The following ERBB4 variants were observed in gnomAD, a reference collection of about 807,000 sequenced individuals.
ERBB4 encodes erb-b2 receptor tyrosine kinase 4, also known as receptor tyrosine-protein kinase erbB-4.
Under a neutral mutation model 158.0 loss-of-function variants are expected in ERBB4, and 42 were observed. The ratio of observed to expected loss-of-function variants is 0.27; its 90% CI spans 0.21 to 0.34. ERBB4 has a LOEUF of 0.34. Ranked by LOEUF, ERBB4 falls within the 10% of genes least tolerant of loss-of-function variation. ERBB4 has a pLI of 1.00. For synonymous variants in ERBB4, 583 were observed against 558.7 expected (o/e 1.04, Z -0.61); for missense variants, 1,333 against 1,624.1 (o/e 0.82, Z 3.08).
chr2:211,643,004 G>A (rs1451669517), intron 16 of ERBB4, among the ~76,000 whole-genome samples: 3 of 152,186 alleles, frequency 2.0e-5, no homozygotes, highest in Middle Eastern at 3.4e-3. Flanking sequence ...AACTAATCCT[G>A]AGACAAGTTA....
intron 2 of ERBB4, among the ~76,000 whole-genome samples, chr2:212,101,172 C>T (rs546189490): frequency 3.5e-4 from 53 of 151,400 alleles, no homozygotes; most frequent in Non-Finnish European, 6.2e-4. Context: ...TATTAATGAG[C>T]AGAAATGATA....
chr2:211,583,790 T>C (rs2068178695), intron 19 of ERBB4, among the ~76,000 whole-genome samples: 1 of 151,580 alleles, frequency 6.6e-6, no homozygotes, highest in African/African-American at 2.4e-5. Context: ...GTAGTTATTT[T>C]TTGTCAATTA....
In ERBB4 at chr2:211,678,729, G is replaced by C. The variant is rs921026432; in HGVS notation, c.1622+323C>G. Among the ~76,000 whole-genome samples, 5 of 152,212 alleles carry C rather than the reference G, an allele frequency of 3.3e-5. No homozygotes were observed. The East Asian group carries it at 9.7e-4, about 30-fold the overall frequency. On this transcript the variant is annotated intron_variant, in intron 13 of 27. Transcript: ENST00000342788. ...CGCCTGTAATCCCAGCACTTTGGGA[G>C]GCCAAGGCAGGCGGATCACTAGGTT...
Position 212,510,326 on chromosome 2 carries a change from G to C in ERBB4, c.82+28123C>G, listed in dbSNP as rs1691449658. Among the ~76,000 whole-genome samples the C allele has an allele frequency of 1.3e-5, 2 of 150,656 alleles. 1 individual carries two copies. The highest frequency in any genetic ancestry group is 4.2e-4 in the South Asian group (2 of 4,796). On this transcript the variant is annotated intron_variant, in intron 1 of 27. Coordinates refer to ENST00000342788, the MANE Select transcript of ERBB4 (RefSeq NM_005235.3). ...AAAACAAGTGTACAGAAGGCTACAT[G>C]TTTATATAAACTATAGAAGTAATAA...
chr2:212,353,336 A>T (rs149524597), intron 1 of ERBB4, among the ~76,000 whole-genome samples: 6 of 150,740 alleles, frequency 4.0e-5, no homozygotes, highest in African/African-American at 1.5e-4. Flanking sequence ...TAATATATGC[A>T]AATATGTATA....
At chr2:212,244,486 A>C (rs1398018853) in intron 1 of ERBB4, among the ~76,000 whole-genome samples, 1 of 152,220 alleles carries the variant, frequency 6.6e-6, no homozygotes, top group African/African-American at 2.4e-5. Flanking sequence ...GGGAATGGGC[A>C]TTGAGAAAGT....
intron 1 of ERBB4, among the ~76,000 whole-genome samples, chr2:212,279,576 A>G (rs1367240931): frequency 2.6e-5 from 4 of 151,548 alleles, no homozygotes; most frequent in Non-Finnish European, 1.5e-5. Flanking sequence ...GTTTCTATTT[A>G]TCTTCATCCC....
intron 3 of ERBB4, among the ~76,000 whole-genome samples, chr2:211,881,640 A>G (rs2078666261): frequency 6.6e-6 from 1 of 152,064 alleles, no homozygotes; most frequent in African/African-American, 2.4e-5. Flanking sequence ...AAATGACGCA[A>G]CTGGTCTAAC....
rs189649402 is a variant in ERBB4 at position 212,398,208 on chromosome 2, A to C, written c.82+140241T>G. The stretch of plus-strand genomic sequence containing the variant: ...AAGAGAATGTATATTTAAGGCAGTA[A>C]AGCTATATAGTAAAATATTCATTAT... On this transcript the variant is annotated intron_variant, in intron 1 of 27. Transcript: ENST00000342788. Among the ~76,000 whole-genome samples the C allele has an allele frequency of 1.3e-4, 20 of 152,054 alleles. No homozygotes were observed. The East Asian group carries it at 3.7e-3, about 28-fold the overall frequency.
chr2:211,866,409 A>G (rs2078206916), intron 3 of ERBB4, among the ~76,000 whole-genome samples: 1 of 151,914 alleles, frequency 6.6e-6, no homozygotes, highest in African/African-American at 2.4e-5. Flanking sequence ...TACCTAGACC[A>G]TGCCTGCCTT....
At chr2:212,390,181 C>T (rs572798248) in intron 1 of ERBB4, among the ~76,000 whole-genome samples, 138 of 151,840 alleles carry the variant, frequency 9.1e-4, no homozygotes, top group Admixed American at 3.4e-3. Context: ...TCATTTAAAA[C>T]ATATCTAAAA....
chr2:211,456,653 T>C (rs1275753596), intron 20 of ERBB4, among the ~76,000 whole-genome samples: 1 of 152,150 alleles, frequency 6.6e-6, no homozygotes, highest in Non-Finnish European at 1.5e-5. Context: ...ATCCAGGGAC[T>C]GGTTCGTGGA....
chr2:212,415,274 A>G (rs2091620384), intron 1 of ERBB4, among the ~76,000 whole-genome samples: 1 of 152,212 alleles, frequency 6.6e-6, no homozygotes, highest in South Asian at 2.1e-4. Context: ...TTACAAGTTT[A>G]GAGATTATTC....
chr2:212,169,561 G>C (rs149541720), intron 1 of ERBB4, among the ~76,000 whole-genome samples: 274 of 152,212 alleles, frequency 1.8e-3, no homozygotes, highest in African/African-American at 6.2e-3. Flanking sequence ...AAAAATTCTA[G>C]AAGGAAACTT....
intron 20 of ERBB4, among the ~76,000 whole-genome samples, chr2:211,512,187 G>A (rs1008515118): frequency 6.6e-6 from 1 of 152,078 alleles, no homozygotes; most frequent in Admixed American, 6.5e-5. Flanking sequence ...GAACGAAAGT[G>A]CGCTCATTTA....
intron 1 of ERBB4, among the ~76,000 whole-genome samples, chr2:212,305,342 A>G (rs2086772861): frequency 6.6e-6 from 1 of 151,398 alleles, no homozygotes; most frequent in African/African-American, 2.4e-5. Flanking sequence ...CTGTGCATAA[A>G]TTATCTTGGT....
chr2:211,732,737 T>A (rs539824740), intron 5 of ERBB4, among the ~76,000 whole-genome samples: 1 of 152,180 alleles, frequency 6.6e-6, no homozygotes, highest in South Asian at 2.1e-4. Flanking sequence ...GGCAGGCAAA[T>A]CACGAGGTCA....
intron 1 of ERBB4, among the ~76,000 whole-genome samples, chr2:212,201,517 T>G (rs1157818727): frequency 6.6e-6 from 1 of 152,166 alleles, no homozygotes; most frequent in East Asian, 1.9e-4. Context: ...TCAGAAATGA[T>G]GAGAAAAATG....
chr2:212,193,009 T>C (rs1346759479), intron 1 of ERBB4, among the ~76,000 whole-genome samples: 1 of 152,160 alleles, frequency 6.6e-6, no homozygotes, highest in African/African-American at 2.4e-5. Context: ...AGAGGAAACC[T>C]TGGAAAATTA....
Sources: allele counts gnomAD v4.1 joint callset (sites outside exome capture counted in the v4.1 genomes callset), GRCh38; gene constraint gnomAD v4.1.1; transcripts MANE v1.5; gene names NCBI Gene and HGNC (gene_info 2026-07-23, HGNC 2026-07-21).